The following DCDC2 variants were observed in gnomAD, a reference collection of about 807,000 sequenced individuals.
DCDC2 encodes doublecortin domain containing 2.
Under a neutral mutation model 50.2 loss-of-function variants are expected in DCDC2, and 40 were observed. The ratio of observed to expected loss-of-function variants is 0.80; its 90% CI spans 0.62 to 1.04. DCDC2 has a LOEUF of 1.04. Ranked by LOEUF, DCDC2 falls within the 50% of genes least tolerant of loss-of-function variation. The probability of loss-of-function intolerance (pLI) is 0.00; values close to 1 mark genes in which losing one functional copy is unlikely to be tolerated. For missense variants in DCDC2, 570 were observed against 581.9 expected (o/e 0.98, Z 0.21); for synonymous variants, 234 against 210.6 (o/e 1.11, Z -0.96).
intron 7 of DCDC2, among the ~76,000 whole-genome samples, chr6:24,208,164 C>T (rs139799182): frequency 2.7e-4 from 41 of 152,188 alleles, no homozygotes; most frequent in African/African-American, 8.2e-4. Context: ...GTCACGGACC[C>T]GCTATGCTTT....
chr6:24,209,711 A>T (rs1206731461), intron 7 of DCDC2, among the ~76,000 whole-genome samples: 1 of 152,240 alleles, frequency 6.6e-6, no homozygotes, highest in African/African-American at 2.4e-5. Context: ...AATTGGGCAC[A>T]GCAAGTATAA....
In DCDC2 at chr6:24,264,507, TTC is replaced by T. The variant is rs1273053039; in HGVS notation, c.922+13540_922+13541del. Among the ~76,000 whole-genome samples the T allele has an allele frequency of 4.6e-5, 7 of 152,298 alleles. No individual in the cohort carries two copies. The East Asian group carries it at 1.3e-3, about 29-fold the overall frequency. Reference sequence around the variant, plus strand: ...TTAAACTGTAGAGTTTTTATTAATTTTCTCTTTCCTTGTTTGTTTTTGCAATT... The same window carrying T: ...TTAAACTGTAGAGTTTTTATTAATTTTCTTTCCTTGTTTGTTTTTGCAATT... On this transcript the variant is annotated intron_variant, in intron 7 of 9. Coordinates refer to ENST00000378454, the MANE Select transcript of DCDC2 (RefSeq NM_016356.5).
At chr6:24,326,251 C>A (rs1007154122) in intron 2 of DCDC2, among the ~76,000 whole-genome samples, 4 of 148,238 alleles carry the variant, frequency 2.7e-5, no homozygotes, top group African/African-American at 9.7e-5. Flanking sequence ...GGAAATCAGA[C>A]CTTTTCATTT....
intron 2 of DCDC2, among the ~76,000 whole-genome samples, chr6:24,330,147 G>T (rs960517914): frequency 6.6e-6 from 1 of 152,138 alleles, no homozygotes; most frequent in Non-Finnish European, 1.5e-5. Flanking sequence ...TAACCAAAAT[G>T]TAGCAGTCAG....
intron 7 of DCDC2, among the ~76,000 whole-genome samples, chr6:24,226,809 G>A (rs535094836): frequency 8.5e-5 from 13 of 152,286 alleles, no homozygotes; most frequent in African/African-American, 2.9e-4. Context: ...AGGTGACTCC[G>A]AGGTTTCTCA....
chr6:24,234,247 G>A (rs576257605), intron 7 of DCDC2, among the ~76,000 whole-genome samples: 6 of 151,516 alleles, frequency 4.0e-5, no homozygotes, highest in Non-Finnish European at 8.8e-5. Flanking sequence ...AAAAAAAATC[G>A]CACGGGGCAC....
intron 4 of DCDC2, among the ~76,000 whole-genome samples, chr6:24,300,161 G>T (rs560618589): frequency 6.6e-6 from 1 of 152,062 alleles, no homozygotes; most frequent in East Asian, 1.9e-4. Context: ...AGGCCAAGGC[G>T]GGCGGATTGC....
At chr6:24,270,017 A>G (rs1307643948) in intron 7 of DCDC2, among the ~76,000 whole-genome samples, 1 of 152,130 alleles carries the variant, frequency 6.6e-6, no homozygotes, top group African/African-American at 2.4e-5. Context: ...AGAAACAAAC[A>G]GGAACTCCCC....
chr6:24,250,144 G>A (rs1482078619), intron 7 of DCDC2, among the ~76,000 whole-genome samples: 3 of 152,144 alleles, frequency 2.0e-5, no homozygotes, highest in African/African-American at 7.2e-5. Flanking sequence ...ATCTCTCACT[G>A]GACTGAGTCA....
chr6:24,225,587 C>T (rs1450987598), intron 7 of DCDC2, among the ~76,000 whole-genome samples: 3 of 151,722 alleles, frequency 2.0e-5, no homozygotes, highest in Non-Finnish European at 4.4e-5. Flanking sequence ...TCCTCAACAC[C>T]AGGCAGTCAG....
At chr6:24,342,435 C>T (rs539287359) in intron 2 of DCDC2, among the ~76,000 whole-genome samples, 245 of 152,270 alleles carry the variant, frequency 1.6e-3, no homozygotes, top group Non-Finnish European at 2.9e-3. Context: ...CCAGTCACTC[C>T]GGCAGTCTTC....
At chr6:24,291,658 T>C (rs1027576065) in intron 4 of DCDC2, among the ~76,000 whole-genome samples, 1 of 151,698 alleles carries the variant, frequency 6.6e-6, no homozygotes, top group African/African-American at 2.4e-5. Flanking sequence ...GCTAATTTTT[T>C]GTATTTTTAG....
the DCDC2 span, among the ~76,000 whole-genome samples, chr6:24,374,161 CAA>C: frequency 3.5e-3 from 207 of 58,976 alleles, no homozygotes; most frequent in African/African-American, 0.01. Context: ...GACTCCATTT[CAA>C]AAAAAAAAAA....
intron 7 of DCDC2, among the ~76,000 whole-genome samples, chr6:24,216,081 T>G (rs1761969383): frequency 6.6e-6 from 1 of 152,168 alleles, no homozygotes; most frequent in South Asian, 2.1e-4. Flanking sequence ...GGTTTGGGCC[T>G]CCTGTTAAGC....
At chr6:24,174,903 GA>G in intron 9 of DCDC2, 69 bp from the exon 10 acceptor site, 1 of 871,118 alleles carries the variant, frequency 1.1e-6, no homozygotes, top group South Asian at 2.3e-5. Flanking sequence ...CATTTATAAA[GA>G]AAAAATTACT....
chr6:24,237,785 T>C lies in DCDC2; in HGVS notation c.923-32683A>G, dbSNP rs180843938. On this transcript the variant is annotated intron_variant, in intron 7 of 9. Transcript: ENST00000378454. The stretch of plus-strand genomic sequence containing the variant: ...TCCTCTGCAGCAACATGGATGGAGC[T>C]GGAAGCCATTATCCTAAGCAAACTA... Among the ~76,000 whole-genome samples, 112 of 152,212 alleles carry C rather than the reference T, an allele frequency of 7.4e-4. 2 individuals are homozygous for C. In the East Asian group the frequency reaches 0.019, roughly 26 times the overall value.
intron 8 of DCDC2, among the ~76,000 whole-genome samples, chr6:24,188,112 G>A (rs1403570113): frequency 6.6e-6 from 1 of 152,212 alleles, no homozygotes; most frequent in Admixed American, 6.5e-5. Context: ...GTGCCTCACT[G>A]TCACCTGGGG....
At chr6:24,188,081 A>G (rs1476287926) in intron 8 of DCDC2, among the ~76,000 whole-genome samples, 1 of 152,228 alleles carries the variant, frequency 6.6e-6, no homozygotes, top group African/African-American at 2.4e-5. Context: ...AGTTACTTCC[A>G]GCCTAGTGGC....
chr6:24,179,633 T>A (rs1013348267), intron 8 of DCDC2, among the ~76,000 whole-genome samples: 1 of 150,610 alleles, frequency 6.6e-6, no homozygotes, highest in Non-Finnish European at 1.5e-5. Flanking sequence ...GTTCTACTGT[T>A]ATTTTGATAC....
Sources: gnomAD v4.1 joint callset for allele counts (sites outside exome capture counted in the v4.1 genomes callset) on GRCh38, gnomAD v4.1.1 for gene constraint, MANE v1.5 for transcripts, NCBI Gene and HGNC (gene_info 2026-07-23, HGNC 2026-07-21) for gene names.